HAUS6: variants seen among roughly 807,000 people sequenced by gnomAD.
HAUS6 encodes HAUS augmin-like complex subunit 6.
A neutral mutation model predicts 106.8 loss-of-function variants in HAUS6; 80 were observed. The ratio of observed to expected loss-of-function variants is 0.75; its 90% CI spans 0.63 to 0.90. HAUS6 has a LOEUF of 0.90. HAUS6 is among the 40% of genes least tolerant of loss of function. The probability of loss-of-function intolerance (pLI) is 0.00; values close to 1 mark genes in which losing one functional copy is unlikely to be tolerated. For synonymous variants in HAUS6, 356 were observed against 379.1 expected (o/e 0.94, Z 0.71); for missense variants, 1,155 against 1,118.1 (o/e 1.03, Z -0.47).
At chr9:19,101,697 G>A (rs1364713336) in intron 1 of HAUS6, among the ~76,000 whole-genome samples, 1 of 152,160 alleles carries the variant, frequency 6.6e-6, no homozygotes, top group Non-Finnish European at 1.5e-5. Flanking sequence ...CGAGGCAGGT[G>A]GATCATGAGC....
At chr9:19,095,691 T>C (rs1817846746) in intron 2 of HAUS6, among the ~76,000 whole-genome samples, 1 of 152,106 alleles carries the variant, frequency 6.6e-6, no homozygotes, top group Non-Finnish European at 1.5e-5. Context: ...ATAGACCTAC[T>C]TGTTGCTTTT....
chr9:19,056,367 T>G lies in HAUS6; in HGVS notation c.2844A>C (p.Glu948Asp). ...TTCATCTTGTCAAGTCAGACGGTGG[T>G]TCTTTTGCATCAAGGCTCTTATTCA... ...DILNKSLDAKEPPSDLTR is the reference protein window; with the variant it reads ...DILNKSLDAKDPPSDLTR Residue 948 changes from glutamate to aspartate, a missense_variant, in exon 17 of 17, where the codon GAA becomes GAC. Coordinates refer to ENST00000380502, the MANE Select transcript of HAUS6 (RefSeq NM_017645.5). 1 of 1,553,506 alleles carries G rather than the reference T, an allele frequency of 6.4e-7. No homozygotes were observed. Among genetic ancestry groups the G allele is most frequent in the Non-Finnish European group, 8.9e-7 (1 of 1,125,354 alleles).
chr9:19,097,711 T>C (rs566794214), intron 1 of HAUS6, among the ~76,000 whole-genome samples: 1 of 150,876 alleles, frequency 6.6e-6, no homozygotes, highest in Non-Finnish European at 1.5e-5. Context: ...CTTTATAACA[T>C]AATGCTGGCA....
chr9:19,101,248 C>T (rs1017106341), intron 1 of HAUS6, among the ~76,000 whole-genome samples: 2 of 152,148 alleles, frequency 1.3e-5, no homozygotes, highest in African/African-American at 2.4e-5. Context: ...AGGCCAGGCT[C>T]GGTGGCTCAC....
At chr9:19,093,535 G>T (rs1172780295) in intron 3 of HAUS6, among the ~76,000 whole-genome samples, 2 of 152,116 alleles carry the variant, frequency 1.3e-5, no homozygotes, top group Non-Finnish European at 2.9e-5. Context: ...AAGGCCCCCA[G>T]GCCACTGTCT....
intron 1 of HAUS6, among the ~76,000 whole-genome samples, chr9:19,097,722 AT>A (rs1197153138): frequency 6.6e-6 from 1 of 152,136 alleles, no homozygotes; most frequent in Non-Finnish European, 1.5e-5. Flanking sequence ...AATGCTGGCA[AT>A]AGTTTTTATT....
intron 4 of HAUS6, 29 bp from the exon 5 acceptor site, chr9:19,089,588 A>G: frequency 1.9e-6 from 3 of 1,575,736 alleles, no homozygotes; most frequent in Middle Eastern, 3.4e-4. Flanking sequence ...AGATTATAGA[A>G]AACAGGCTGG....
intron 5 of HAUS6, among the ~76,000 whole-genome samples, chr9:19,088,080 T>C (rs1817660671): frequency 6.6e-6 from 1 of 152,172 alleles, no homozygotes; most frequent in African/African-American, 2.4e-5. Context: ...AAAGAATATC[T>C]GCTTAATGAA....
At chr9:19,063,907 A>C in intron 12 of HAUS6, 1 of 406,310 alleles carries the variant, frequency 2.5e-6, no homozygotes, top group Non-Finnish European at 4.8e-6. Flanking sequence ...ATTAACTAGA[A>C]CTGCATTATT....
chr9:19,101,536 G>T (rs985883139), intron 1 of HAUS6, among the ~76,000 whole-genome samples: 9 of 152,086 alleles, frequency 5.9e-5, no homozygotes, highest in Non-Finnish European at 1.5e-5. Flanking sequence ...CAGCACTTTG[G>T]AAGACCGAAG....
At chr9:19,080,935 G>C (rs1837131898) in intron 8 of HAUS6, among the ~76,000 whole-genome samples, 1 of 152,072 alleles carries the variant, frequency 6.6e-6, no homozygotes, top group Non-Finnish European at 1.5e-5. Flanking sequence ...AGCTGGGCGT[G>C]GTGGCACATG....
Position 19,090,600 on chromosome 9 carries a change from T to C in HAUS6, c.437-1041A>G, listed in dbSNP as rs1196671140. On this transcript the variant is annotated intron_variant, in intron 4 of 16. Transcript: ENST00000380502. The stretch of plus-strand genomic sequence containing the variant: ...GGATGATCTTGATCTCCTGGCCTCA[T>C]GATCCGCCCGCCCTGACCTCCCAAA... Among the ~76,000 whole-genome samples, 3 of 152,258 alleles carry C rather than the reference T, an allele frequency of 2.0e-5. No individual in the cohort carries two copies. The East Asian group carries it at 5.8e-4, about 30-fold the overall frequency.
Position 19,089,450 on chromosome 9 carries a change from T to C in HAUS6, c.546A>G (p.Arg182=). 1.2e-6 allele frequency: 2 copies of C among 1,611,942 alleles called. No individual in the cohort carries two copies. Among genetic ancestry groups the C allele is most frequent in the Non-Finnish European group, 8.5e-7 (1 of 1,178,028 alleles). The stretch of plus-strand genomic sequence containing the variant: ...GATATTTTTGGGTAACACAATCTTG[T>C]CTTTGCAAAATTTGTAAAAATCTGC... ...ARSRFLQILQ[R]QDCVTQKYQE... The change falls in exon 5 of 17, where the codon AGA becomes AGG. Residue 182 remains arginine (R), a synonymous_variant. Coordinates refer to ENST00000380502, the MANE Select transcript of HAUS6 (RefSeq NM_017645.5).
At chr9:19,099,176 T>C (rs1817931234) in intron 1 of HAUS6, among the ~76,000 whole-genome samples, 1 of 151,120 alleles carries the variant, frequency 6.6e-6, no homozygotes, top group Non-Finnish European at 1.5e-5. Flanking sequence ...TTTGTGTTTT[T>C]TTTTTTTTGA....
Position 19,089,381 on chromosome 9 carries a change from A to G in HAUS6, c.584+31T>C, listed in dbSNP as rs572164406. On this transcript the variant is annotated intron_variant, in intron 5 of 16. Transcript: ENST00000380502. ...GGTGACATCTGTTCAAAAGAAAGAA[A>G]TTATTTTCTAACTATCAAGGTACTA... The G allele has an allele frequency of 1.7e-5, 25 of 1,458,078 alleles. No homozygotes were observed. The Middle Eastern group carries it at 1.8e-3, about 104-fold the overall frequency. 90.3% of individuals were successfully genotyped at this position (1,458,078 alleles called of 1,614,324 possible). A position where few individuals can be genotyped will look rare whatever the true frequency, so the allele number is the denominator to read the frequency against.
intron 9 of HAUS6, among the ~76,000 whole-genome samples, chr9:19,080,174 CAAAAAA>C (rs746423003): frequency 5.3e-5 from 2 of 37,592 alleles, no homozygotes; most frequent in Non-Finnish European, 1.1e-4. Flanking sequence ...AACTCCGTCT[CAAAAAA>C]AAAAAAAAAA....
chr9:19,096,651 A>G (rs772441617), intron 2 of HAUS6, 23 bp downstream of exon 2: 13 of 1,041,970 alleles, frequency 1.2e-5, no homozygotes, highest in Non-Finnish European at 1.6e-5. Flanking sequence ...GAAATTTAAG[A>G]AAATGAAATT....
intron 5 of HAUS6, 42 bp from the exon 6 acceptor site, chr9:19,087,198 G>A (rs7860085): frequency 0.067 from 70,883 of 1,052,798 alleles, 3,818 homozygotes; most frequent in African/African-American, 0.25. Context: ...ATACCATTAC[G>A]ATTAATTAGT....
rs1817874296 is a variant in HAUS6 at position 19,096,774 on chromosome 9, T to C, written c.129-5A>G. The C allele has an allele frequency of 2.2e-6, 3 of 1,356,248 alleles. No homozygotes were observed. The highest frequency in any genetic ancestry group is 2.0e-6 in the Non-Finnish European group (2 of 984,492). The allele number at this position is 1,356,248 out of a possible 1,614,324, so 84.0% of individuals were successfully genotyped here. A position where few individuals can be genotyped will look rare whatever the true frequency, so the allele number is the denominator to read the frequency against. ...TTCAGCTTGTCAAACATGTTCCTAG[T>C]GGTTAAAAATGAAATAGAAATAGAA... is the stretch of plus-strand genomic sequence containing the variant. On this transcript the variant is annotated splice_polypyrimidine_tract_variant and splice_region_variant and intron_variant, in intron 1 of 16. Coordinates refer to ENST00000380502, the MANE Select transcript of HAUS6 (RefSeq NM_017645.5).
Sources: allele counts gnomAD v4.1 joint callset (sites outside exome capture counted in the v4.1 genomes callset), GRCh38; gene constraint gnomAD v4.1.1; transcripts MANE v1.5; gene names NCBI Gene and HGNC (gene_info 2026-07-23, HGNC 2026-07-21).